Variants in SESN1 observed in about 807,000 individuals in gnomAD.
SESN1 encodes the protein sestrin 1.
SESN1 carries 30 observed loss-of-function variants against 59.3 expected under a neutral mutation model. The ratio of observed to expected loss-of-function variants is 0.51; its 90% confidence interval spans 0.38 to 0.69. SESN1 has a LOEUF of 0.69. Among genes scored for constraint, SESN1 ranks in the 30% least tolerant of loss-of-function variants. The pLI, the probability that SESN1 is intolerant of heterozygous loss-of-function variation, is 0.00. For synonymous variants in SESN1, 197 were observed against 219.9 expected, an observed-to-expected ratio of 0.90 and a Z score of 0.92; for missense variants, 566 against 673.0, an observed-to-expected ratio of 0.84 and a Z score of 1.76.
intron 1 of SESN1, among the ~76,000 whole-genome samples, chr6:109,052,513 AAT>A (rs571976236): frequency 1.4e-3 from 206 of 152,292 alleles, no homozygotes; most frequent in African/African-American, 4.7e-3. Context: ...CATTACTTAA[AAT>A]AGTTTATCTA....
intron 1 of SESN1, among the ~76,000 whole-genome samples, chr6:109,093,222 C>T (rs1390104608): frequency 6.6e-6 from 1 of 152,008 alleles, no homozygotes; most frequent in African/African-American, 2.4e-5. Context: ...GAGCAATTTG[C>T]CATAAAAGTG....
chr6:109,055,444 C>T (rs11153159), intron 1 of SESN1, among the ~76,000 whole-genome samples: 6 of 151,748 alleles, frequency 4.0e-5, no homozygotes, highest in African/African-American at 7.3e-5. Flanking sequence ...GGGTGGATCA[C>T]GAGGCCAGGA....
At chr6:109,016,248 A>G (rs557289604) in intron 1 of SESN1, among the ~76,000 whole-genome samples, 1 of 152,300 alleles carries the variant, frequency 6.6e-6, no homozygotes, top group African/African-American at 2.4e-5. Context: ...TAAAGTTTTA[A>G]AATCCAGTTG....
At chr6:109,055,263 A>G (rs535843631) in intron 1 of SESN1, among the ~76,000 whole-genome samples, 66 of 151,796 alleles carry the variant, frequency 4.3e-4, no homozygotes, top group African/African-American at 1.5e-3. Flanking sequence ...TTCCTCTCCA[A>G]TCCTTCTTGG....
intron 3 of SESN1, among the ~76,000 whole-genome samples, 200 bp from the exon 4 acceptor site, chr6:109,000,873 C>T (rs1355526553): frequency 6.6e-6 from 1 of 151,980 alleles, no homozygotes. Flanking sequence ...CAAGAACAAA[C>T]AAAATATCTG....
At chr6:109,075,554 C>CAT (rs1287910852) in intron 1 of SESN1, among the ~76,000 whole-genome samples, 1 of 152,186 alleles carries the variant, frequency 6.6e-6, no homozygotes, top group Admixed American at 6.5e-5. Context: ...CTCCAGCTAA[C>CAT]ATAACTAAGA....
chr6:109,019,364 A>G lies in SESN1; in HGVS notation c.280-17021T>C, dbSNP rs28649137. The stretch of plus-strand genomic sequence containing the variant: ...TCCAATAATTTCAACTGGTTCCAGC[A>G]GAGTGCTGGGGGAATCTAGTTCAAA... On this transcript the variant is annotated intron_variant, in intron 1 of 9. Coordinates refer to ENST00000436639, the MANE Select transcript of SESN1 (RefSeq NM_014454.3). Among the ~76,000 whole-genome samples the G allele has an allele frequency of 6.7e-3, 1,027 of 152,338 alleles. 17 individuals are homozygous for G. Among genetic ancestry groups the G allele is most frequent in the Non-Finnish European group, 6.6e-3 (449 of 68,024 alleles).
At chr6:109,027,259 G>A (rs557039304) in intron 1 of SESN1, among the ~76,000 whole-genome samples, 1 of 152,004 alleles carries the variant, frequency 6.6e-6, no homozygotes, top group African/African-American at 2.4e-5. Context: ...GATTGCCTGA[G>A]GTCAGGAGTT....
At chr6:109,068,887 A>AT in intron 1 of SESN1, among the ~76,000 whole-genome samples, 2 of 152,018 alleles carry the variant, frequency 1.3e-5, no homozygotes, top group Admixed American at 1.3e-4. Context: ...TGCCTAGCTA[A>AT]TTTTTTGTAT....
intron 1 of SESN1, chr6:109,090,457 C>T (rs954429406): frequency 6.6e-6 from 1 of 152,086 alleles, no homozygotes; most frequent in African/African-American, 2.4e-5. Flanking sequence ...TGACTGGAAA[C>T]CTTACTGATA....
At chr6:109,068,783 C>T (rs1364850189) in intron 1 of SESN1, among the ~76,000 whole-genome samples, 2 of 149,562 alleles carry the variant, frequency 1.3e-5, no homozygotes, top group Admixed American at 6.7e-5. Flanking sequence ...TGCAGTGGTA[C>T]GATCCTGGCT....
intron 1 of SESN1, chr6:109,009,366 T>C: frequency 6.8e-7 from 1 of 1,469,020 alleles, no homozygotes; most frequent in Non-Finnish European, 9.0e-7. Flanking sequence ...TACCTCGTCC[T>C]GGTCGCGGCC....
intron 1 of SESN1, among the ~76,000 whole-genome samples, chr6:109,044,550 G>A (rs1425269918): frequency 6.6e-6 from 1 of 151,812 alleles, no homozygotes; most frequent in Non-Finnish European, 1.5e-5. Flanking sequence ...ACATCTAGAA[G>A]AAAACATAAG....
chr6:109,047,273 C>T (rs1780465146), intron 1 of SESN1, among the ~76,000 whole-genome samples: 4 of 95,176 alleles, frequency 4.2e-5, no homozygotes, highest in Non-Finnish European at 6.9e-5. Context: ...AGGGGCGCCT[C>T]TGCCCGGCCG....
chr6:109,027,964 A>C (rs1265745321), intron 1 of SESN1, among the ~76,000 whole-genome samples: 1 of 152,170 alleles, frequency 6.6e-6, no homozygotes, highest in Admixed American at 6.5e-5. Context: ...TTTGAATACA[A>C]GTACTTTGAT....
At chr6:109,031,532 C>T (rs1300833923) in intron 1 of SESN1, among the ~76,000 whole-genome samples, 1 of 152,106 alleles carries the variant, frequency 6.6e-6, no homozygotes, top group Non-Finnish European at 1.5e-5. Context: ...CATCTTCAGC[C>T]TAAAGTTAGA....
chr6:109,028,469 G>A (rs1354995928), intron 1 of SESN1, among the ~76,000 whole-genome samples: 65 of 152,098 alleles, frequency 4.3e-4, no homozygotes, highest in African/African-American at 1.5e-3. Context: ...ACATTTGCAT[G>A]TATGTATGTT....
chr6:109,051,521 T>C (rs769720199), intron 1 of SESN1, among the ~76,000 whole-genome samples: 26 of 152,182 alleles, frequency 1.7e-4, no homozygotes, highest in Non-Finnish European at 2.8e-4. Flanking sequence ...TTGCTTACCA[T>C]TAGAGGTCAA....
intron 1 of SESN1, among the ~76,000 whole-genome samples, chr6:109,080,274 G>A (rs1781099187): frequency 6.6e-6 from 1 of 152,156 alleles, no homozygotes; most frequent in Non-Finnish European, 1.5e-5. Context: ...CTAGCTAGGA[G>A]AATGCTCTTT....
Sources: gnomAD v4.1 joint callset for allele counts (sites outside exome capture counted in the v4.1 genomes callset) on GRCh38, gnomAD v4.1.1 for gene constraint, MANE v1.5 for transcripts, NCBI Gene and HGNC (gene_info 2026-07-23, HGNC 2026-07-21) for gene names.